The following KPNA5 variants were observed in gnomAD, a reference collection of about 807,000 sequenced individuals.
KPNA5 encodes importin subunit alpha-6.
KPNA5 carries 46 observed loss-of-function variants against 71.3 expected under a neutral mutation model. The observed-to-expected ratio is 0.65, with a 90% confidence interval of 0.51 to 0.83. The LOEUF is 0.83. KPNA5 is among the 40% of genes least tolerant of loss of function. The pLI, the probability that KPNA5 is intolerant of heterozygous loss-of-function variation, is 0.00. For missense variants in KPNA5, 547 were observed against 628.3 expected (o/e 0.87, Z 1.38); for synonymous variants, 207 against 201.4 (o/e 1.03, Z -0.24).
intron 1 of KPNA5, among the ~76,000 whole-genome samples, chr6:116,683,886 C>T (rs1484106675): frequency 3.3e-4 from 48 of 143,466 alleles, no homozygotes; most frequent in African/African-American, 5.2e-4. Flanking sequence ...CGTGAGCCAC[C>T]GTGCCCGGCC....
At chr6:116,701,785 T>C (rs1340146264) in intron 5 of KPNA5, among the ~76,000 whole-genome samples, 1 of 152,208 alleles carries the variant, frequency 6.6e-6, no homozygotes, top group Non-Finnish European at 1.5e-5. Context: ...ATTATATTTT[T>C]CTCAGTTCTT....
At chr6:116,684,742 G>GT (rs1562424058) in intron 1 of KPNA5, among the ~76,000 whole-genome samples, 1 of 152,094 alleles carries the variant, frequency 6.6e-6, no homozygotes, top group South Asian at 2.1e-4. Flanking sequence ...GTTCTGATCC[G>GT]TATTTTCAAC....
intron 1 of KPNA5, among the ~76,000 whole-genome samples, chr6:116,682,681 G>T (rs1450793560): frequency 2.0e-5 from 3 of 152,106 alleles, no homozygotes; most frequent in African/African-American, 7.2e-5. Context: ...CCAGTTATTT[G>T]CCCAACTTAA....
At chr6:116,725,724 T>C (rs948903792) in intron 10 of KPNA5, 27 bp from the exon 11 acceptor site, 2 of 1,581,322 alleles carry the variant, frequency 1.3e-6, no homozygotes, top group Non-Finnish European at 1.7e-6. Flanking sequence ...TATAAAACTT[T>C]TTGTTTCCAT....
rs968943152 is a variant in KPNA5, at chr6:116,739,780, A to G, written c.*7457A>G. ...CCTATTTAATAAATGGTGCTGGGAA[A>G]ACTGGCTAGCCATATGTAGAAAGCT... On this transcript the variant is annotated 3_prime_UTR_variant, in exon 14 of 14. Transcript: ENST00000368564. The G allele has an allele frequency of 6.6e-6, 1 of 151,636 alleles. No homozygotes were observed. Among genetic ancestry groups the G allele is most frequent in the Non-Finnish European group, 1.5e-5 (1 of 67,842 alleles). The allele number at this position is 151,636 out of a possible 1,614,324, so 9.4% of individuals were successfully genotyped here.
Position 116,738,483 on chromosome 6 carries a change from C to T in KPNA5, c.*6160C>T, listed in dbSNP as rs1779749690. 2 of 152,066 alleles carry T rather than the reference C, an allele frequency of 1.3e-5. No homozygotes were observed. Among genetic ancestry groups the T allele is most frequent in the South Asian group, 4.1e-4 (2 of 4,832 alleles). 9.4% of individuals were successfully genotyped at this position (152,066 alleles called of 1,614,324 possible). Reference sequence around the variant, plus strand: ...CCAATCAATAGAAAAAGAGGGAATCCTCCCTAACTCATTTTCTGAGGCCAG... The same window carrying T: ...CCAATCAATAGAAAAAGAGGGAATCTTCCCTAACTCATTTTCTGAGGCCAG... On this transcript the variant is annotated 3_prime_UTR_variant, in exon 14 of 14. Transcript: ENST00000368564.
chr6:116,722,378 C>A lies in KPNA5; in HGVS notation c.920+89C>A, dbSNP rs1583441530. 6 of 1,044,416 alleles carry A rather than the reference C, an allele frequency of 5.7e-6. No homozygotes were observed. In the East Asian group the frequency reaches 1.7e-4, roughly 29 times the overall value. 64.7% of individuals were successfully genotyped at this position (1,044,416 alleles called of 1,614,324 possible). ...ATAGCTTTGTAAATATCTCAAGAGT[C>A]ACTGTCTTCAGGGAAAATTAAAAAG... On this transcript the variant is annotated intron_variant, in intron 9 of 13. Coordinates refer to ENST00000368564, the MANE Select transcript of KPNA5 (RefSeq NM_001366306.2).
Position 116,697,472 on chromosome 6 carries a change from A to G in KPNA5, c.341-1232A>G, listed in dbSNP as rs1013573628. ...GTTTCTAAGTAAATCTTTCTTAACA[A>G]TTGAGAACAAGGTTTCTAGGATTTG... On this transcript the variant is annotated intron_variant, in intron 4 of 13. Coordinates refer to ENST00000368564, the MANE Select transcript of KPNA5 (RefSeq NM_001366306.2). 4.6e-5 allele frequency among the ~76,000 whole-genome samples: 7 copies of G among 152,222 alleles called. No individual in the cohort carries two copies. The South Asian group carries it at 6.2e-4, about 14-fold the overall frequency.
chr6:116,701,648 A>G (rs938755490), intron 5 of KPNA5, among the ~76,000 whole-genome samples: 1 of 152,190 alleles, frequency 6.6e-6, no homozygotes, highest in Non-Finnish European at 1.5e-5. Flanking sequence ...TACTGTTGTT[A>G]TAAGTAGTGT....
At chr6:116,684,343 C>A (rs1025001515) in intron 1 of KPNA5, among the ~76,000 whole-genome samples, 1 of 151,956 alleles carries the variant, frequency 6.6e-6, no homozygotes, top group Non-Finnish European at 1.5e-5. Context: ...AGTCCTCAGC[C>A]CCTTCCCTTC....
At chr6:116,695,239 C>CT (rs1227189094) in intron 4 of KPNA5, among the ~76,000 whole-genome samples, 4 of 151,802 alleles carry the variant, frequency 2.6e-5, no homozygotes, top group Non-Finnish European at 1.5e-5. Context: ...TCGCAGTTAT[C>CT]TTTAAGAAAA....
intron 4 of KPNA5, among the ~76,000 whole-genome samples, chr6:116,694,082 T>C (rs1777921837): frequency 6.6e-6 from 1 of 152,254 alleles, no homozygotes; most frequent in African/African-American, 2.4e-5. Flanking sequence ...CTCTGTTCTG[T>C]TCCATTGGTC....
rs779479442 is a variant in KPNA5, at chr6:116,722,133, C to T, written c.764C>T (p.Pro255Leu). ...CTCTTTCTTCCCTTACAGGTTTCAC[C>T]TTGCTTAAATGTCCTGTCACGACTG... ...NPPPNFSKVS[P>L]CLNVLSRLLF... Residue 255 changes from proline (P) to leucine (L), a missense_variant, in exon 9 of 14, where the codon CCT becomes CTT. Transcript: ENST00000368564. The T allele has an allele frequency of 6.4e-7, 1 of 1,567,270 alleles. No homozygotes were observed. The highest frequency in any genetic ancestry group is 2.3e-5 in the East Asian group (1 of 43,782).
In KPNA5 at chr6:116,707,176, T is replaced by A. The variant is rs1051591710; in HGVS notation, c.656+2016T>A. 9.4e-4 allele frequency among the ~76,000 whole-genome samples: 143 copies of A among 151,528 alleles called. 3 individuals are homozygous for A. Among genetic ancestry groups the A allele is most frequent in the Admixed American group, 9.3e-3 (142 of 15,206 alleles). The stretch of plus-strand genomic sequence containing the variant: ...GAGAGACTGTCTCAAAAAAAAAAAA[T>A]GATTATGCATTATTTGTTGTTCACA... On this transcript the variant is annotated intron_variant, in intron 7 of 13. Transcript: ENST00000368564.
intron 5 of KPNA5, 144 bp from the exon 6 acceptor site, chr6:116,701,875 C>T: frequency 1.2e-5 from 7 of 600,322 alleles, no homozygotes; most frequent in South Asian, 3.5e-5. Flanking sequence ...AGTTTTTATC[C>T]TTAAATCTGA....
At chr6:116,721,226 G>A (rs988130797) in intron 8 of KPNA5, among the ~76,000 whole-genome samples, 6 of 152,032 alleles carry the variant, frequency 3.9e-5, no homozygotes, top group African/African-American at 1.4e-4. Context: ...TTAAAATAGG[G>A]GTAAAGAGAA....
At position 116,703,263 on chromosome 6, in the gene KPNA5, A is replaced by ATT. The variant is rs372587084; in HGVS notation, c.567+1128_567+1129dup. 6.3e-5 allele frequency among the ~76,000 whole-genome samples: 9 copies of ATT among 142,894 alleles called. No homozygotes were observed. In the South Asian group the frequency reaches 1.1e-3, roughly 18 times the overall value. 93.7% of individuals were successfully genotyped at this position (142,894 alleles called of 152,430 possible). A position where few individuals can be genotyped will look rare whatever the true frequency, so the allele number is the denominator to read the frequency against. ...AAATGAGTACCCTGTCAAAAGATAA[A>ATT]TTTTTTTTTTTTTTTTGAGATGAAG... On this transcript the variant is annotated intron_variant, in intron 6 of 13. Transcript: ENST00000368564.
chr6:116,691,187 C>T (rs760234255), intron 2 of KPNA5, among the ~76,000 whole-genome samples: 7 of 152,192 alleles, frequency 4.6e-5, no homozygotes, highest in Non-Finnish European at 7.4e-5. Context: ...CGAGATTGTG[C>T]CACTGCACTC....
In KPNA5 at chr6:116,737,842, A is replaced by G. The variant is rs1228337672; in HGVS notation, c.*5519A>G. ...AATCACTTTCGCTGAATTCAGTTAT[A>G]GTGATTATAGTCTTTTTACTTATTT... On this transcript the variant is annotated 3_prime_UTR_variant, in exon 14 of 14. Transcript: ENST00000368564. The G allele has an allele frequency of 6.6e-6, 1 of 151,876 alleles. No homozygotes were observed. The highest frequency in any genetic ancestry group is 2.4e-5 in the African/African-American group (1 of 41,386). The allele number at this position is 151,876 out of a possible 1,614,324, so 9.4% of individuals were successfully genotyped here. A position where few individuals can be genotyped will look rare whatever the true frequency, so the allele number is the denominator to read the frequency against.
Sources: gnomAD v4.1 joint callset for allele counts (sites outside exome capture counted in the v4.1 genomes callset) on GRCh38, gnomAD v4.1.1 for gene constraint, MANE v1.5 for transcripts, NCBI Gene and HGNC (gene_info 2026-07-23, HGNC 2026-07-21) for gene names.